EXOC4: variants seen among roughly 807,000 people sequenced by gnomAD.
EXOC4 encodes the protein exocyst complex component 4.
In EXOC4, 71 loss-of-function variants were observed where a neutral mutation model predicts 107.2. The observed-to-expected ratio is 0.66, with a 90% confidence interval of 0.55 to 0.81. The LOEUF is 0.81. Among genes scored for constraint, EXOC4 ranks in the 30% least tolerant of loss-of-function variants. The pLI, the probability that EXOC4 is intolerant of heterozygous loss-of-function variation, is 0.00. For missense variants in EXOC4, 1,108 were observed against 1,189.6 expected (o/e 0.93, Z 1.01); for synonymous variants, 456 against 441.2 (o/e 1.03, Z -0.42).
rs1037187913 is a variant in EXOC4 at position 133,834,124 on chromosome 7, A to G, written c.1734+16580A>G. ...CTTATTTGAAGCAGAATTGTGGGAT[A>G]TGATGAGGTTTCTCTTCAAATAATC... On this transcript the variant is annotated intron_variant, in intron 11 of 17. Coordinates refer to ENST00000253861, the MANE Select transcript of EXOC4 (RefSeq NM_021807.4). 2.0e-5 allele frequency among the ~76,000 whole-genome samples: 3 copies of G among 152,202 alleles called. No homozygotes were observed. The East Asian group carries it at 5.8e-4, about 29-fold the overall frequency.
intron 9 of EXOC4, among the ~76,000 whole-genome samples, chr7:133,554,953 A>G (rs1297069936): frequency 6.6e-6 from 1 of 152,214 alleles, no homozygotes; most frequent in East Asian, 1.9e-4. Context: ...GCAGCATGTC[A>G]TGATTTCTAT....
intron 9 of EXOC4, among the ~76,000 whole-genome samples, chr7:133,567,323 A>AT (rs556455662): frequency 2.4e-4 from 35 of 147,094 alleles, no homozygotes; most frequent in Non-Finnish European, 3.5e-4. Flanking sequence ...TCTGAACATC[A>AT]TTTTTTTTTC....
At chr7:133,756,976 C>T (rs902555704) in intron 10 of EXOC4, among the ~76,000 whole-genome samples, 2 of 152,076 alleles carry the variant, frequency 1.3e-5, no homozygotes, top group Non-Finnish European at 2.9e-5. Flanking sequence ...GGCAAGGTCA[C>T]GATGGTCTAG....
the EXOC4 span, among the ~76,000 whole-genome samples, chr7:134,082,633 G>T: frequency 6.6e-6 from 1 of 152,108 alleles, no homozygotes; most frequent in African/African-American, 2.4e-5. Flanking sequence ...TAGAGACGGG[G>T]TTTCACCATG....
intron 9 of EXOC4, among the ~76,000 whole-genome samples, chr7:133,588,474 AT>A (rs1000262465): frequency 1.3e-5 from 2 of 152,088 alleles, no homozygotes; most frequent in Non-Finnish European, 2.9e-5. Flanking sequence ...ATACTAGCAG[AT>A]TTTTTTTGCC....
chr7:133,696,095 C>T (rs1012880679), intron 10 of EXOC4, among the ~76,000 whole-genome samples: 7 of 152,192 alleles, frequency 4.6e-5, no homozygotes, highest in African/African-American at 1.2e-4. Flanking sequence ...GCTGGCAAAG[C>T]GGACTTCCTG....
At chr7:133,502,694 G>A (rs1799596926) in intron 9 of EXOC4, among the ~76,000 whole-genome samples, 1 of 152,118 alleles carries the variant, frequency 6.6e-6, no homozygotes, top group Admixed American at 6.6e-5. Flanking sequence ...GGCAACCGCA[G>A]GTTTGCTGTA....
At chr7:134,051,934 C>T (rs988640279) in intron 17 of EXOC4, among the ~76,000 whole-genome samples, 24 of 151,624 alleles carry the variant, frequency 1.6e-4, no homozygotes, top group Non-Finnish European at 1.6e-4. Context: ...TGCAGTGAGC[C>T]GAGATCACGC....
intron 14 of EXOC4, among the ~76,000 whole-genome samples, chr7:133,958,167 G>A (rs1800860546): frequency 6.6e-6 from 1 of 152,180 alleles, no homozygotes; most frequent in South Asian, 2.1e-4. Context: ...CTTCCAGTGA[G>A]GGCCTGAAAT....
At chr7:133,861,613 C>T (rs1018898914) in intron 11 of EXOC4, among the ~76,000 whole-genome samples, 2 of 152,076 alleles carry the variant, frequency 1.3e-5, no homozygotes, top group Non-Finnish European at 2.9e-5. Context: ...CGGCTCACTG[C>T]AACCTCTGCC....
At chr7:133,280,214 TG>T (rs1288070000) in intron 2 of EXOC4, among the ~76,000 whole-genome samples, 2 of 152,204 alleles carry the variant, frequency 1.3e-5, no homozygotes, top group Non-Finnish European at 2.9e-5. Context: ...GGTCAAGTAA[TG>T]TGGACAATAA....
intron 9 of EXOC4, among the ~76,000 whole-genome samples, chr7:133,580,937 T>G (rs919294801): frequency 6.6e-6 from 1 of 152,244 alleles, no homozygotes. Flanking sequence ...TGAATACACA[T>G]GTCCAGTCTG....
chr7:133,995,826 G>C (rs1794377407), intron 14 of EXOC4, among the ~76,000 whole-genome samples: 1 of 152,056 alleles, frequency 6.6e-6, no homozygotes, highest in Admixed American at 6.5e-5. Flanking sequence ...TCTGGACTTA[G>C]CAAAGTTTAA....
Position 133,823,857 on chromosome 7 carries a change from AT to A in EXOC4, c.1734+6314del, listed in dbSNP as rs1563014640. On this transcript the variant is annotated intron_variant, in intron 11 of 17. Coordinates refer to ENST00000253861, the MANE Select transcript of EXOC4 (RefSeq NM_021807.4). ...ATATATATATATTATATATATATAT[AT>A]ATATATATATATATTATATATATAT... Among the ~76,000 whole-genome samples the A allele has an allele frequency of 6.7e-4, 11 of 16,434 alleles. 2 individuals are homozygous for A. The South Asian group carries it at 8.3e-3, about 12-fold the overall frequency. The allele number at this position is 16,434 out of a possible 152,430, so 10.8% of individuals were successfully genotyped here.
At chr7:133,999,134 C>T (rs1468367587) in intron 15 of EXOC4, among the ~76,000 whole-genome samples, 1 of 152,052 alleles carries the variant, frequency 6.6e-6, no homozygotes, top group Non-Finnish European at 1.5e-5. Context: ...TCAGAAAGTG[C>T]ATGGTGTGGT....
intron 7 of EXOC4, among the ~76,000 whole-genome samples, chr7:133,392,274 T>C (rs1231374690): frequency 6.6e-6 from 1 of 152,198 alleles, no homozygotes; most frequent in East Asian, 1.9e-4. Context: ...GAAGAAATTT[T>C]ATCTCTTGTT....
intron 10 of EXOC4, among the ~76,000 whole-genome samples, chr7:133,659,597 T>A (rs956990513): frequency 6.6e-6 from 1 of 152,176 alleles, no homozygotes; most frequent in Non-Finnish European, 1.5e-5. Context: ...CAGGGGTTCT[T>A]ATTGTAAGTG....
At chr7:133,747,256 T>C (rs1185726850) in intron 10 of EXOC4, among the ~76,000 whole-genome samples, 1 of 152,204 alleles carries the variant, frequency 6.6e-6, no homozygotes, top group Non-Finnish European at 1.5e-5. Flanking sequence ...TATTGCTCTA[T>C]ATTAAGATCT....
chr7:133,263,787 A>T (rs994998648), intron 1 of EXOC4, among the ~76,000 whole-genome samples: 1 of 130 alleles, frequency 7.7e-3, no homozygotes, highest in Non-Finnish European at 0.019. Context: ...ATGGTGGGAA[A>T]CAGGTTGATT....
Sources: gnomAD v4.1 joint callset for allele counts (sites outside exome capture counted in the v4.1 genomes callset) on GRCh38, gnomAD v4.1.1 for gene constraint, MANE v1.5 for transcripts, NCBI Gene and HGNC (gene_info 2026-07-23, HGNC 2026-07-21) for gene names.